Variants in ZNF43 observed in about 807,000 individuals in gnomAD.
ZNF43 encodes the protein zinc finger protein 39-like 1 (KOX 27).
ZNF43 carries 44 observed loss-of-function variants against 68.4 expected under a neutral mutation model. That is an observed-to-expected ratio of 0.64 (90% CI 0.51 to 0.83). ZNF43 has a LOEUF of 0.83. Among genes scored for constraint, ZNF43 ranks in the 40% least tolerant of loss-of-function variants. The pLI is 0.00. For missense variants in ZNF43, 896 were observed against 933.2 expected, an observed-to-expected ratio of 0.96 and a Z score of 0.52; for synonymous variants, 308 against 307.8, an observed-to-expected ratio of 1.00 and a Z score of -0.01.
chr19:21,850,451 T>G (rs1313530349), intron 1 of ZNF43, among the ~76,000 whole-genome samples: 1 of 152,118 alleles, frequency 6.6e-6, no homozygotes, highest in Non-Finnish European at 1.5e-5. Context: ...TCCCAGCACT[T>G]CAGGAGACTG....
upstream of ZNF43, chr19:21,836,188 C>T (rs1021264130): frequency 1.3e-6 from 2 of 1,525,766 alleles, no homozygotes; most frequent in Non-Finnish European, 1.8e-6. Context: ...GAGACAAAGG[C>T]CCCGCCACAT....
At chr19:21,817,849 TC>T (rs1195628868) in intron 3 of ZNF43, 38 bp downstream of exon 3, 6 of 1,580,002 alleles carry the variant, frequency 3.8e-6, no homozygotes, top group Non-Finnish European at 5.2e-6. Flanking sequence ...TTTGGACTTC[TC>T]ATCTGTGTTT....
Position 21,810,884 on chromosome 19 carries a change from A to G in ZNF43, c.230-1077T>C, listed in dbSNP as rs545902476. On this transcript the variant is annotated intron_variant, in intron 3 of 3. Coordinates refer to ENST00000354959, the MANE Select transcript of ZNF43 (RefSeq NM_003423.4). ...CTTGAGCCCAGGAGGTTGAGGCTGC[A>G]GTGAGCCAAAATCATGTCACTGCAC... is the stretch of plus-strand genomic sequence containing the variant. Among the ~76,000 whole-genome samples, 10 of 152,214 alleles carry G rather than the reference A, an allele frequency of 6.6e-5. No individual in the cohort carries two copies. The South Asian group carries it at 2.1e-3, about 32-fold the overall frequency.
intron 1 of ZNF43, among the ~76,000 whole-genome samples, chr19:21,830,586 C>A (rs2038378379): frequency 6.9e-6 from 1 of 145,116 alleles, no homozygotes; most frequent in South Asian, 2.2e-4. Flanking sequence ...CCTGAAGAGA[C>A]CAACAAGATT....
chr19:21,809,745 T>C lies in ZNF43; in HGVS notation c.292A>G (p.Lys98Glu), dbSNP rs760454992. The C allele has an allele frequency of 3.7e-6, 6 of 1,605,338 alleles. No individual in the cohort carries two copies. The part of the protein sequence containing the change: ...PEQHIKDPFQ[K>E]ATLRRYKNCE... ...TTTTTATATCTTCTCAGTGTCGCTTTTTGGAAAGGATCTTTTATATGCTGC... is the reference window on the plus strand; with the variant it reads ...TTTTTATATCTTCTCAGTGTCGCTTCTTGGAAAGGATCTTTTATATGCTGC... The change falls in exon 4 of 4, where the codon AAA becomes GAA. Residue 98 changes from lysine (K) to glutamate (E), a missense_variant. By Grantham distance (56) the Lys-to-Glu change is moderately conservative. Transcript: ENST00000354959.
intron 1 of ZNF43, among the ~76,000 whole-genome samples, chr19:21,834,451 T>C (rs1409846692): frequency 6.6e-6 from 1 of 150,986 alleles, no homozygotes; most frequent in Non-Finnish European, 1.5e-5. Flanking sequence ...ATATGGAAAA[T>C]ATTTTCAAAT....
chr19:21,844,031 G>A (rs564589224), intron 1 of ZNF43, among the ~76,000 whole-genome samples: 2 of 152,204 alleles, frequency 1.3e-5, no homozygotes, highest in African/African-American at 4.8e-5. Flanking sequence ...GGCACTCAGT[G>A]TATTACCCGA....
rs2037090643 is a variant in ZNF43 at position 21,808,587 on chromosome 19, A to G, written c.1450T>C (p.Cys484Arg). 1 of 1,613,372 alleles carries G rather than the reference A, an allele frequency of 6.2e-7. No individual in the cohort carries two copies. Among genetic ancestry groups the G allele is most frequent in the Non-Finnish European group, 8.5e-7 (1 of 1,179,812 alleles). The change falls in exon 4 of 4, where the codon TGT becomes CGT. Residue 484 changes from cysteine (C) to arginine (R), a missense_variant. By Grantham distance (180) the Cys-to-Arg change is radical (BLOSUM62 -3). Transcript: ENST00000354959. ...CTAAAAGCTTTGCCACATTCTTCAC[A>G]TTTGTACGGTTTTTCTGCAGTATGA... ...RIHTAEKPYK[C>R]EECGKAFSRS... is the part of the protein sequence containing the mutation.
intron 1 of ZNF43, among the ~76,000 whole-genome samples, chr19:21,845,978 T>G (rs995676644): frequency 2.0e-5 from 3 of 151,948 alleles, no homozygotes; most frequent in Non-Finnish European, 2.9e-5. Context: ...TCTAAATCTT[T>G]TTTTGTTCAG....
intron 1 of ZNF43, among the ~76,000 whole-genome samples, chr19:21,842,302 G>A (rs1291183815): frequency 1.3e-5 from 2 of 151,646 alleles, no homozygotes; most frequent in Non-Finnish European, 2.9e-5. Context: ...CCAGCTACTT[G>A]GGAGGCTGAG....
At position 21,808,929 on chromosome 19, in the gene ZNF43, A is replaced by C. The variant is rs1462333280; in HGVS notation, c.1108T>G (p.Tyr370Asp). 1 of 1,613,590 alleles carries C rather than the reference A, an allele frequency of 6.2e-7. No homozygotes were observed. The highest frequency in any genetic ancestry group is 8.5e-7 in the Non-Finnish European group (1 of 1,179,828). ...HKRIHTAEKF[Y>D]KCTECGEAFS... ...GCTTCACCACATTCTGTACATTTAT[A>C]GAATTTCTCTGCAGTATGGATTCTC... Residue 370 changes from tyrosine to aspartate, a missense_variant, in exon 4 of 4, where the codon TAT (tyrosine) becomes GAT (aspartate). Transcript: ENST00000354959.
chr19:21,846,944 T>A (rs533191835), intron 1 of ZNF43, among the ~76,000 whole-genome samples: 96 of 152,294 alleles, frequency 6.3e-4, no homozygotes, highest in African/African-American at 2.1e-3. Flanking sequence ...CAATATTTCA[T>A]AATGTCTGCT....
At chr19:21,826,929 T>G (rs1046442977) in intron 1 of ZNF43, 4 of 151,424 alleles carry the variant, frequency 2.6e-5, no homozygotes, top group Non-Finnish European at 5.9e-5. Flanking sequence ...CATGGGACAC[T>G]AACAGAGCTT....
chr19:21,810,119 A>G (rs938920923), intron 3 of ZNF43, among the ~76,000 whole-genome samples: 15 of 152,196 alleles, frequency 9.9e-5, no homozygotes, highest in African/African-American at 3.6e-4. Context: ...TGCCTTTAGA[A>G]GTAAATTGCC....
intron 3 of ZNF43, among the ~76,000 whole-genome samples, chr19:21,810,604 C>A (rs1278845411): frequency 6.6e-6 from 1 of 152,186 alleles, no homozygotes; most frequent in Non-Finnish European, 1.5e-5. Context: ...ATACAATATT[C>A]TTCTTTGCAT....
intron 3 of ZNF43, among the ~76,000 whole-genome samples, chr19:21,815,175 G>A (rs1599463727): frequency 1.4e-5 from 2 of 145,808 alleles, no homozygotes; most frequent in East Asian, 4.0e-4. Context: ...GGCAACGAGA[G>A]CAAAACTCCA....
chr19:21,842,112 G>A (rs1440905103), intron 1 of ZNF43, among the ~76,000 whole-genome samples: 4 of 151,974 alleles, frequency 2.6e-5, no homozygotes, highest in African/African-American at 9.7e-5. Context: ...TAGGCCCAGT[G>A]AAAAATCACA....
At chr19:21,825,106 T>A (rs945487246) in intron 1 of ZNF43, among the ~76,000 whole-genome samples, 1 of 152,136 alleles carries the variant, frequency 6.6e-6, no homozygotes, top group Non-Finnish European at 1.5e-5. Flanking sequence ...TGTTGGCATA[T>A]GCTTGTAATC....
intron 1 of ZNF43, among the ~76,000 whole-genome samples, chr19:21,831,359 T>A (rs10405593): frequency 0.29 from 44,303 of 151,840 alleles, 6,661 homozygotes; most frequent in Non-Finnish European, 0.31. Flanking sequence ...TTTTTTTTTT[T>A]AATTTTTATT....
Sources: gnomAD v4.1 joint callset for allele counts (sites outside exome capture counted in the v4.1 genomes callset) on GRCh38, gnomAD v4.1.1 for gene constraint, MANE v1.5 for transcripts, NCBI Gene and HGNC (gene_info 2026-07-23, HGNC 2026-07-21) for gene names.